Variants in HECW2 observed in about 807,000 individuals in gnomAD.
The protein encoded by HECW2 is HECT, C2 and WW domain containing E3 ubiquitin protein ligase 2, also known as E3 ubiquitin-protein ligase HECW2.
In HECW2, 61 loss-of-function variants were observed where a neutral mutation model predicts 175.2. The ratio of observed to expected loss-of-function variants is 0.35; its 90% CI spans 0.28 to 0.43. The LOEUF (loss-of-function observed/expected upper bound fraction) is 0.43. Among genes scored for constraint, HECW2 ranks in the 20% least tolerant of loss-of-function variants. The pLI is 1.00. For missense variants in HECW2, 1,524 were observed against 2,000.5 expected (o/e 0.76, Z 4.54); for synonymous variants, 671 against 731.0 (o/e 0.92, Z 1.32).
intron 2 of HECW2, among the ~76,000 whole-genome samples, chr2:196,408,920 T>C (rs1045156214): frequency 6.6e-6 from 1 of 152,180 alleles, no homozygotes; most frequent in Non-Finnish European, 1.5e-5. Flanking sequence ...AAAAGGTTGG[T>C]CACTGATATG....
At chr2:196,522,067 C>A (rs1688418611) in intron 1 of HECW2, among the ~76,000 whole-genome samples, 1 of 152,178 alleles carries the variant, frequency 6.6e-6, no homozygotes, top group Non-Finnish European at 1.5e-5. Context: ...CACTGACTTC[C>A]ACAATGGTTG....
At chr2:196,508,884 T>C (rs1687852348) in intron 1 of HECW2, among the ~76,000 whole-genome samples, 2 of 152,130 alleles carry the variant, frequency 1.3e-5, no homozygotes, top group Admixed American at 1.3e-4. Context: ...CTGGCTAACA[T>C]GGTGAAACCC....
chr2:196,320,240 C>T, intron 8 of HECW2, 99 bp downstream of exon 8: 4 of 737,030 alleles, frequency 5.4e-6, no homozygotes, highest in South Asian at 2.0e-5. Flanking sequence ...CAAAACAGAA[C>T]ATGAATTCAA....
At chr2:196,400,850 C>T (rs1375211660) in intron 2 of HECW2, among the ~76,000 whole-genome samples, 1 of 151,812 alleles carries the variant, frequency 6.6e-6, no homozygotes, top group Non-Finnish European at 1.5e-5. Context: ...AAATAATTTC[C>T]ATGTCTTGTA....
chr2:196,257,582 C>T (rs1689112186), intron 18 of HECW2, among the ~76,000 whole-genome samples: 1 of 152,154 alleles, frequency 6.6e-6, no homozygotes, highest in Non-Finnish European at 1.5e-5. Flanking sequence ...TTTCCCTTTT[C>T]CAATACCATC....
chr2:196,259,487 T>C (rs1689199693), intron 17 of HECW2, among the ~76,000 whole-genome samples: 1 of 152,226 alleles, frequency 6.6e-6, no homozygotes, highest in Non-Finnish European at 1.5e-5. Flanking sequence ...ATCCATTTTA[T>C]ATGATAGATG....
chr2:196,291,988 G>C (rs1415777334), intron 14 of HECW2: 1 of 152,210 alleles, frequency 6.6e-6, no homozygotes, highest in African/African-American at 2.4e-5. Flanking sequence ...TCCACCTACA[G>C]AGGAAGTACG....
intron 1 of HECW2, among the ~76,000 whole-genome samples, chr2:196,518,514 G>C (rs992525968): frequency 1.3e-5 from 2 of 151,798 alleles, no homozygotes; most frequent in Non-Finnish European, 2.9e-5. Context: ...AAATTAGCCG[G>C]GCATGGTGGC....
intron 1 of HECW2, among the ~76,000 whole-genome samples, chr2:196,543,619 T>C (rs116109752): frequency 0.011 from 1,603 of 152,276 alleles, 22 homozygotes; most frequent in African/African-American, 0.037. Flanking sequence ...TTTTTTATTT[T>C]TTTTTTCTTT....
At chr2:196,317,250 C>T (rs369369235) in intron 10 of HECW2, 24 bp downstream of exon 10, 11 of 1,552,558 alleles carry the variant, frequency 7.1e-6, no homozygotes, top group Non-Finnish European at 9.7e-6. Context: ...TTAAGGTGGG[C>T]CCTTTTAACT....
intron 28 of HECW2, 36 bp downstream of exon 28, chr2:196,215,829 G>A (rs1450266539): frequency 7.2e-7 from 1 of 1,398,452 alleles, no homozygotes; most frequent in Non-Finnish European, 1.0e-6. Flanking sequence ...TCCACCAAAT[G>A]TTGTGACAGT....
chr2:196,352,486 A>G (rs1207808437), intron 2 of HECW2, among the ~76,000 whole-genome samples: 1 of 152,240 alleles, frequency 6.6e-6, no homozygotes, highest in Admixed American at 6.5e-5. Context: ...GAATGCTGGC[A>G]GAGTGGAGAG....
intron 2 of HECW2, among the ~76,000 whole-genome samples, chr2:196,387,480 G>A (rs1374822481): frequency 3.3e-5 from 5 of 152,102 alleles, no homozygotes; most frequent in Non-Finnish European, 7.4e-5. Flanking sequence ...ACTGGACACC[G>A]AATCTGCTGG....
chr2:196,353,217 G>A (rs186579681), intron 2 of HECW2, among the ~76,000 whole-genome samples: 39 of 152,154 alleles, frequency 2.6e-4, no homozygotes, highest in East Asian at 1.4e-3. Context: ...AACTTTCCCC[G>A]AGATACTGTT....
intron 5 of HECW2, among the ~76,000 whole-genome samples, chr2:196,328,548 T>G (rs4850699): frequency 0.98 from 149,045 of 152,310 alleles, 72,993 homozygotes; most frequent in Middle Eastern, 1. Flanking sequence ...GTAATTATGC[T>G]TTGTGGAATA....
At chr2:196,238,442 TC>T (rs1688330594) in intron 21 of HECW2, 1 of 63,910 alleles carries the variant, frequency 1.6e-5, no homozygotes, top group Admixed American at 1.8e-4. Flanking sequence ...AAGGTTTCTT[TC>T]TTTCTTTCTT....
chr2:196,545,602 A>T (rs1466838087), intron 1 of HECW2, among the ~76,000 whole-genome samples: 1 of 152,244 alleles, frequency 6.6e-6, no homozygotes, highest in Non-Finnish European at 1.5e-5. Flanking sequence ...ATCCTTAGGC[A>T]TCTTGCTCTG....
rs1266974635 is a variant in HECW2 at position 196,242,014 on chromosome 2, C to T, written c.3650+70G>A. 2.1e-6 allele frequency: 3 copies of T among 1,449,920 alleles called. No homozygotes were observed. In the East Asian group the frequency reaches 6.9e-5, roughly 33 times the overall value. 89.8% of individuals were successfully genotyped at this position (1,449,920 alleles called of 1,614,324 possible). On this transcript the variant is annotated intron_variant, in intron 20 of 28. Transcript: ENST00000644978. ...AGTCATCCCAAATCACAATCAATTT[C>T]CTAGAGGCCCAACTGTGCCCTCTCC...
intron 2 of HECW2, among the ~76,000 whole-genome samples, chr2:196,354,643 C>G (rs188257649): frequency 1.3e-5 from 2 of 152,168 alleles, no homozygotes; most frequent in African/African-American, 2.4e-5. Context: ...ACACACAAAG[C>G]CTTTTTAAAG....
Sources: allele counts gnomAD v4.1 joint callset (sites outside exome capture counted in the v4.1 genomes callset), GRCh38; gene constraint gnomAD v4.1.1; transcripts MANE v1.5; gene names NCBI Gene and HGNC (gene_info 2026-07-23, HGNC 2026-07-21).